Variants in PCDH15 observed in about 807,000 individuals in gnomAD.
PCDH15 encodes protocadherin-15.
PCDH15 carries 129 observed loss-of-function variants against 178.5 expected under a neutral mutation model. The ratio of observed to expected loss-of-function variants is 0.72; its 90% confidence interval spans 0.63 to 0.84. PCDH15 has a LOEUF of 0.84. Among genes scored for constraint, PCDH15 ranks in the 40% least tolerant of loss-of-function variants. PCDH15 has a pLI of 0.00. For synonymous variants in PCDH15, 800 were observed against 732.0 expected (o/e 1.09, Z -1.50); for missense variants, 2,230 against 2,099.9 (o/e 1.06, Z -1.21).
intron 8 of PCDH15, among the ~76,000 whole-genome samples, chr10:54,256,060 G>C (rs1010250854): frequency 6.6e-6 from 1 of 152,166 alleles, no homozygotes; most frequent in Non-Finnish European, 1.5e-5. Flanking sequence ...TCTCCGGAAG[G>C]ATACCCTCCC....
intron 2 of PCDH15, among the ~76,000 whole-genome samples, chr10:55,594,993 G>A (rs1265239177): frequency 2.0e-5 from 3 of 151,980 alleles, no homozygotes; most frequent in Non-Finnish European, 4.4e-5. Flanking sequence ...CTTACTTAAT[G>A]TAACAGTCTT....
chr10:54,518,559 G>A lies in PCDH15; in HGVS notation c.157+9253C>T, dbSNP rs569027887. On this transcript the variant is annotated intron_variant, in intron 3 of 37. Transcript: ENST00000644397. ...ACCAATAACAGGAGCTGAAATTGTG[G>A]CAATAATCAATAGCTTACCAACCAA... Among the ~76,000 whole-genome samples the A allele has an allele frequency of 5.6e-4, 85 of 152,212 alleles. 1 individual carries two copies. Among genetic ancestry groups the A allele is most frequent in the South Asian group, 3.1e-3 (15 of 4,816 alleles).
At chr10:55,277,308 A>G (rs1564960090) in intron 1 of PCDH15, among the ~76,000 whole-genome samples, 1 of 152,056 alleles carries the variant, frequency 6.6e-6, no homozygotes, top group Admixed American at 6.6e-5. Context: ...TGATTAGTAT[A>G]TTAACTGTAT....
At chr10:54,622,634 ATTATATAATT>A (rs2093402113) in intron 2 of PCDH15, among the ~76,000 whole-genome samples, 1 of 41,550 alleles carries the variant, frequency 2.4e-5, no homozygotes, top group African/African-American at 1.0e-4. Flanking sequence ...TATAATATAT[ATTATATAATT>A]ATATATATAC....
intron 1 of PCDH15, among the ~76,000 whole-genome samples, chr10:55,221,291 G>A (rs1333551566): frequency 2.6e-5 from 4 of 152,062 alleles, no homozygotes; most frequent in Non-Finnish European, 4.4e-5. Context: ...GAGCAGTGAT[G>A]TGCTGTTGAA....
intron 1 of PCDH15, among the ~76,000 whole-genome samples, chr10:55,167,397 T>G (rs1839224309): frequency 6.6e-6 from 1 of 152,150 alleles, no homozygotes; most frequent in Non-Finnish European, 1.5e-5. Context: ...CTTACAGGTG[T>G]GAGTCACCCA....
intron 1 of PCDH15, among the ~76,000 whole-genome samples, chr10:55,211,552 CCT>C (rs898220247): frequency 2.6e-5 from 4 of 152,020 alleles, no homozygotes; most frequent in African/African-American, 9.7e-5. Context: ...GATTACTTTT[CCT>C]CTCTCTCTAC....
chr10:55,198,573 G>A (rs961830681), intron 1 of PCDH15, among the ~76,000 whole-genome samples: 2 of 151,996 alleles, frequency 1.3e-5, no homozygotes, highest in Non-Finnish European at 2.9e-5. Context: ...TGCAAGCTCC[G>A]CCTCCTGGGT....
intron 13 of PCDH15, among the ~76,000 whole-genome samples, chr10:54,171,160 A>G (rs969508202): frequency 1.3e-5 from 2 of 152,074 alleles, no homozygotes; most frequent in African/African-American, 4.8e-5. Flanking sequence ...CAGTCTGATA[A>G]CGGACGAGCC....
At chr10:54,380,936 C>T (rs1196247233) in intron 3 of PCDH15, among the ~76,000 whole-genome samples, 1 of 151,014 alleles carries the variant, frequency 6.6e-6, no homozygotes, top group African/African-American at 2.4e-5. Flanking sequence ...AGTTTTCTTG[C>T]TCTCAGCTCA....
intron 21 of PCDH15, among the ~76,000 whole-genome samples, chr10:53,994,136 C>A (rs1010945071): frequency 3.9e-5 from 6 of 152,162 alleles, no homozygotes; most frequent in African/African-American, 1.4e-4. Context: ...ACCAAGACAA[C>A]TTTTCGCACC....
chr10:54,798,911 G>T (rs956467198), intron 1 of PCDH15, among the ~76,000 whole-genome samples: 1 of 152,032 alleles, frequency 6.6e-6, no homozygotes. Flanking sequence ...GTCTGAAATT[G>T]TATCTGCACA....
chr10:54,213,821 C>A, intron 10 of PCDH15, 115 bp downstream of exon 10: 1 of 669,556 alleles, frequency 1.5e-6, no homozygotes, highest in Non-Finnish European at 2.6e-6. Context: ...AATTGACTGA[C>A]TGCTGTCCAC....
At chr10:54,903,299 C>T (rs1368395573) in intron 2 of PCDH15, among the ~76,000 whole-genome samples, 1 of 152,022 alleles carries the variant, frequency 6.6e-6, no homozygotes, top group East Asian at 1.9e-4. Flanking sequence ...TTATTATATT[C>T]TATGTGTTTA....
chr10:55,545,900 T>A (rs981893791), intron 2 of PCDH15, among the ~76,000 whole-genome samples: 16 of 152,140 alleles, frequency 1.1e-4, no homozygotes, highest in African/African-American at 3.6e-4. Flanking sequence ...TTTAATACTT[T>A]ATCATACTGG....
chr10:55,003,474 T>C (rs1839844335), intron 2 of PCDH15, among the ~76,000 whole-genome samples: 1 of 152,112 alleles, frequency 6.6e-6, no homozygotes, highest in Admixed American at 6.6e-5. Context: ...TAGAGAATTT[T>C]TTTCTTTTGA....
At chr10:53,961,368 G>A (rs1461720372) in intron 22 of PCDH15, among the ~76,000 whole-genome samples, 1 of 151,848 alleles carries the variant, frequency 6.6e-6, no homozygotes, top group Non-Finnish European at 1.5e-5. Flanking sequence ...AAAACAAAAT[G>A]TTATATAGTA....
At chr10:54,616,263 A>G (rs1285731802) in intron 2 of PCDH15, among the ~76,000 whole-genome samples, 1 of 152,156 alleles carries the variant, frequency 6.6e-6, no homozygotes, top group Non-Finnish European at 1.5e-5. Flanking sequence ...CAAAAACTAT[A>G]GAAAATTGGA....
At chr10:55,154,967 A>G (rs538653759) in intron 2 of PCDH15, among the ~76,000 whole-genome samples, 1 of 152,250 alleles carries the variant, frequency 6.6e-6, no homozygotes, top group East Asian at 1.9e-4. Context: ...TTGTTGTGAC[A>G]TTAACAGCCT....
Sources: gnomAD v4.1 joint callset for allele counts (sites outside exome capture counted in the v4.1 genomes callset) on GRCh38, gnomAD v4.1.1 for gene constraint, MANE v1.5 for transcripts, NCBI Gene and HGNC (gene_info 2026-07-23, HGNC 2026-07-21) for gene names.